TENM3: variants seen among roughly 807,000 people sequenced by gnomAD.
The protein encoded by TENM3 is teneurin transmembrane protein 3.
A neutral mutation model predicts 255.1 loss-of-function variants in TENM3; 63 were observed. The observed-to-expected ratio is 0.25, with a 90% confidence interval of 0.20 to 0.30. TENM3 has a LOEUF of 0.30. TENM3 is among the 10% of genes least tolerant of loss of function. The pLI, the probability that TENM3 is intolerant of heterozygous loss-of-function variation, is 1.00. For synonymous variants in TENM3, 1,306 were observed against 1,322.3 expected (o/e 0.99, Z 0.27); for missense variants, 2,929 against 3,461.1 (o/e 0.85, Z 3.86).
chr4:181,926,792 G>A, the TENM3 span, among the ~76,000 whole-genome samples: 1 of 151,980 alleles, frequency 6.6e-6, no homozygotes, highest in East Asian at 1.9e-4. Flanking sequence ...AGTGATTTCT[G>A]CATTTCCAAC....
chr4:181,504,894 A>C, the TENM3 span, among the ~76,000 whole-genome samples: 4 of 152,182 alleles, frequency 2.6e-5, no homozygotes, highest in Non-Finnish European at 5.9e-5. Context: ...ATAACATCAT[A>C]AATTTGTTTA....
At chr4:181,654,727 C>A in the TENM3 span, among the ~76,000 whole-genome samples, 1 of 145,908 alleles carries the variant, frequency 6.9e-6, no homozygotes, top group Admixed American at 7.0e-5. Flanking sequence ...GCACTCCAGC[C>A]CAGGCAATAA....
At chr4:181,901,509 A>G in the TENM3 span, among the ~76,000 whole-genome samples, 23 of 152,214 alleles carry the variant, frequency 1.5e-4, 1 homozygote, top group South Asian at 2.1e-3. Context: ...TCCTGCCTAC[A>G]AGAATTATTT....
chr4:181,580,027 C>T, the TENM3 span, among the ~76,000 whole-genome samples: 3 of 149,316 alleles, frequency 2.0e-5, no homozygotes, highest in Admixed American at 6.7e-5. Context: ...GATGGAGCTT[C>T]GCTCTTCTTG....
At chr4:182,209,296 A>T (rs928807868) in intron 1 of TENM3, among the ~76,000 whole-genome samples, 2 of 151,950 alleles carry the variant, frequency 1.3e-5, no homozygotes, top group African/African-American at 2.4e-5. Context: ...AAAAAAAAAA[A>T]AATCGTTGTT....
the TENM3 span, among the ~76,000 whole-genome samples, chr4:181,568,680 G>C: frequency 6.6e-6 from 1 of 152,104 alleles, no homozygotes; most frequent in Non-Finnish European, 1.5e-5. Context: ...TAGAGTCCTC[G>C]CAGAAAATCT....
At chr4:182,691,250 G>A (rs1441128124) in intron 12 of TENM3, among the ~76,000 whole-genome samples, 1 of 152,170 alleles carries the variant, frequency 6.6e-6, no homozygotes, top group Admixed American at 6.5e-5. Flanking sequence ...TAACCCCTAC[G>A]CATCTGGCTG....
intron 1 of TENM3, among the ~76,000 whole-genome samples, chr4:182,212,428 G>A (rs949779863): frequency 2.0e-5 from 3 of 152,084 alleles, no homozygotes; most frequent in African/African-American, 7.2e-5. Context: ...GCAGGCGCCC[G>A]TTGGCCACCT....
At chr4:182,038,066 G>A in the TENM3 span, among the ~76,000 whole-genome samples, 6,133 of 152,102 alleles carry the variant, frequency 0.04, 398 homozygotes, top group African/African-American at 0.14. Flanking sequence ...TCTACTTCGC[G>A]TGATTTTGCT....
At chr4:181,887,302 G>A in the TENM3 span, among the ~76,000 whole-genome samples, 1 of 151,614 alleles carries the variant, frequency 6.6e-6, no homozygotes, top group East Asian at 1.9e-4. Context: ...CAAACTTACA[G>A]TATGCATTAA....
intron 3 of TENM3, among the ~76,000 whole-genome samples, chr4:182,374,600 G>T (rs989553681): frequency 6.6e-6 from 1 of 152,132 alleles, no homozygotes; most frequent in Admixed American, 6.5e-5. Flanking sequence ...CATTAGCCTT[G>T]TCTTTCTTCC....
At chr4:181,591,428 G>T in the TENM3 span, among the ~76,000 whole-genome samples, 82 of 152,316 alleles carry the variant, frequency 5.4e-4, no homozygotes, top group African/African-American at 1.9e-3. Context: ...GTACGTGAAT[G>T]TTCATAGCAG....
At chr4:182,777,543 ATTTCTTTTTTTTTTTTTTTT>A (rs1434172314) in intron 24 of TENM3, among the ~76,000 whole-genome samples, 13 of 34,908 alleles carry the variant, frequency 3.7e-4, no homozygotes, top group Non-Finnish European at 6.1e-4. Context: ...GTGTGTGTGT[ATTTCTTTTTTTTTTTTTTTT>A]TTTTTTTTTT....
At chr4:181,559,960 A>T in the TENM3 span, among the ~76,000 whole-genome samples, 1 of 152,222 alleles carries the variant, frequency 6.6e-6, no homozygotes, top group Non-Finnish European at 1.5e-5. Flanking sequence ...TTAAAACAGG[A>T]ATATAATTAT....
chr4:182,365,258 G>GGT (rs1322532272), intron 3 of TENM3, among the ~76,000 whole-genome samples: 1 of 152,146 alleles, frequency 6.6e-6, no homozygotes, highest in Non-Finnish European at 1.5e-5. Context: ...TGAAGAAATG[G>GGT]GTCACTCAGG....
chr4:181,910,046 G>C, the TENM3 span, among the ~76,000 whole-genome samples: 2 of 152,038 alleles, frequency 1.3e-5, no homozygotes, highest in Admixed American at 6.6e-5. Context: ...CTTTTATAAA[G>C]AAAATAAAAC....
intron 3 of TENM3, among the ~76,000 whole-genome samples, chr4:182,474,309 ATTC>A (rs772066128): frequency 6.6e-6 from 1 of 152,204 alleles, no homozygotes; most frequent in African/African-American, 2.4e-5. Flanking sequence ...ACTTGAAAAT[ATTC>A]TTATTTGTAG....
chr4:181,857,356 G>T, the TENM3 span, among the ~76,000 whole-genome samples: 1 of 151,530 alleles, frequency 6.6e-6, no homozygotes, highest in African/African-American at 2.4e-5. Flanking sequence ...GCAGGTGAGG[G>T]GAGGGGTGGA....
chr4:182,357,004 A>G (rs894228396), intron 3 of TENM3, among the ~76,000 whole-genome samples: 3 of 151,952 alleles, frequency 2.0e-5, no homozygotes, highest in African/African-American at 4.8e-5. Context: ...TACTGAGAAT[A>G]ATGATTTCCA....
Sources: gnomAD v4.1 joint callset for allele counts (sites outside exome capture counted in the v4.1 genomes callset) on GRCh38, gnomAD v4.1.1 for gene constraint, MANE v1.5 for transcripts, NCBI Gene and HGNC (gene_info 2026-07-23, HGNC 2026-07-21) for gene names.